Variants in SORCS2 observed in about 807,000 individuals in gnomAD.
SORCS2 encodes the protein sortilin related VPS10 domain containing receptor 2.
A neutral mutation model predicts 141.6 loss-of-function variants in SORCS2; 100 were observed. The ratio of observed to expected loss-of-function variants is 0.71; its 90% confidence interval spans 0.60 to 0.83. The LOEUF (loss-of-function observed/expected upper bound fraction) is 0.83, where lower values mean the gene tolerates loss of function less well. Among genes scored for constraint, SORCS2 ranks in the 40% least tolerant of loss-of-function variants. The pLI is 0.00. For missense variants in SORCS2, 1,646 were observed against 1,560.2 expected (o/e 1.05, Z -0.93); for synonymous variants, 789 against 676.9 (o/e 1.17, Z -2.57).
At chr4:7,700,700 C>A (rs189290806) in intron 12 of SORCS2, among the ~76,000 whole-genome samples, 47 of 152,296 alleles carry the variant, frequency 3.1e-4, no homozygotes, top group African/African-American at 1.1e-3. Flanking sequence ...CCCCTGCCCC[C>A]GCTCCACCCC....
intron 3 of SORCS2, among the ~76,000 whole-genome samples, chr4:7,600,652 T>TACAC (rs1332515993): frequency 2.1e-5 from 2 of 96,232 alleles, no homozygotes; most frequent in African/African-American, 7.7e-5. Context: ...TATACATATA[T>TACAC]ATATACACAC....
At chr4:7,572,298 T>C (rs956986162) in intron 3 of SORCS2, among the ~76,000 whole-genome samples, 5 of 152,208 alleles carry the variant, frequency 3.3e-5, no homozygotes, top group Non-Finnish European at 2.9e-5. Flanking sequence ...TTTACATATA[T>C]ATATATGATA....
chr4:7,601,817 G>C (rs111383778), intron 3 of SORCS2, among the ~76,000 whole-genome samples: 3 of 152,044 alleles, frequency 2.0e-5, no homozygotes, highest in African/African-American at 7.2e-5. Context: ...GGACCCTGCC[G>C]CCTTCCGCAG....
intron 1 of SORCS2, among the ~76,000 whole-genome samples, chr4:7,259,923 TG>T (rs1307377105): frequency 6.6e-6 from 1 of 152,214 alleles, no homozygotes; most frequent in Non-Finnish European, 1.5e-5. Flanking sequence ...CCCAGCCTGT[TG>T]GGCAGGACAG....
At chr4:7,207,370 G>A (rs1048883085) in intron 1 of SORCS2, among the ~76,000 whole-genome samples, 4 of 152,348 alleles carry the variant, frequency 2.6e-5, no homozygotes, top group Middle Eastern at 3.4e-3. Flanking sequence ...GGGAGCCGAC[G>A]TGAGTCACCG....
At chr4:7,567,730 C>G (rs150059747) in intron 3 of SORCS2, among the ~76,000 whole-genome samples, 1,722 of 152,320 alleles carry the variant, frequency 0.011, 12 homozygotes, top group Non-Finnish European at 0.016. Flanking sequence ...GTGAGTCTCC[C>G]TCCCCTTGAG....
intron 1 of SORCS2, among the ~76,000 whole-genome samples, chr4:7,346,449 A>C (rs1306787082): frequency 6.6e-6 from 1 of 152,248 alleles, no homozygotes; most frequent in African/African-American, 2.4e-5. Context: ...CTTGTTTTAC[A>C]GCCTAGCATG....
chr4:7,686,708 G>A (rs991296035), intron 10 of SORCS2, among the ~76,000 whole-genome samples: 1 of 152,238 alleles, frequency 6.6e-6, no homozygotes, highest in African/African-American at 2.4e-5. Context: ...GTGCCCCATG[G>A]GCAGGCACCT....
At chr4:7,625,484 C>T (rs1388421616) in intron 3 of SORCS2, among the ~76,000 whole-genome samples, 2 of 151,864 alleles carry the variant, frequency 1.3e-5, no homozygotes, top group East Asian at 3.9e-4. Flanking sequence ...ACACAGTCAC[C>T]GTCTCTCAAC....
chr4:7,485,882 TA>T (rs1405959907), intron 2 of SORCS2, among the ~76,000 whole-genome samples: 1 of 151,904 alleles, frequency 6.6e-6, no homozygotes, highest in African/African-American at 2.4e-5. Context: ...TCAGGGCGGG[TA>T]GACAGGCTCT....
chr4:7,290,869 C>T (rs900254401), intron 1 of SORCS2, among the ~76,000 whole-genome samples: 2 of 152,100 alleles, frequency 1.3e-5, no homozygotes, highest in Admixed American at 6.5e-5. Flanking sequence ...GCTGAGGAGA[C>T]AGTGAGGAAT....
At chr4:7,625,408 C>CTTG (rs1719452994) in intron 3 of SORCS2, among the ~76,000 whole-genome samples, 1 of 152,038 alleles carries the variant, frequency 6.6e-6, no homozygotes, top group African/African-American at 2.4e-5. Flanking sequence ...AAGAACATCT[C>CTTG]CCACATGTAG....
intron 2 of SORCS2, among the ~76,000 whole-genome samples, chr4:7,466,547 T>C (rs1471995920): frequency 6.6e-6 from 1 of 152,128 alleles, no homozygotes; most frequent in Non-Finnish European, 1.5e-5. Flanking sequence ...TGGCCTCACG[T>C]CCATACCCCA....
intron 11 of SORCS2, 85 bp from the exon 12 acceptor site, chr4:7,697,113 T>C: frequency 8.3e-7 from 1 of 1,207,622 alleles, no homozygotes; most frequent in South Asian, 1.4e-5. Context: ...CCACCGTTGC[T>C]TGAGGTTTTT....
At chr4:7,721,542 C>G in intron 18 of SORCS2, among the ~76,000 whole-genome samples, 1 of 152,298 alleles carries the variant, frequency 6.6e-6, no homozygotes, top group Non-Finnish European at 1.5e-5. Flanking sequence ...AAAAGCCACT[C>G]CCACATGATC....
At position 7,712,781 on chromosome 4, in the gene SORCS2, G is replaced by A. The variant is rs1251459780; in HGVS notation, c.1917G>A (p.Val639=). The A allele has an allele frequency of 1.9e-6, 3 of 1,613,890 alleles. No individual in the cohort carries two copies. In the South Asian group the frequency reaches 3.3e-5, roughly 18 times the overall value. Residue 639 remains valine, a synonymous_variant, in exon 15 of 27, where the codon GTG becomes GTA. Coordinates refer to ENST00000507866, the MANE Select transcript of SORCS2 (RefSeq NM_020777.3). ...GCTCCGATTGGGAGCTGGTCAAGGT[G>A]GACTTCCGGCCCTCATTCTCCAGGC... ...SFRSDWELVK[V]DFRPSFSRQC...
intron 1 of SORCS2, among the ~76,000 whole-genome samples, chr4:7,199,576 G>A (rs981987051): frequency 6.6e-6 from 1 of 152,048 alleles, no homozygotes. Flanking sequence ...GAGGGAGGCT[G>A]TTGCTGTGGT....
chr4:7,680,462 T>C (rs1346604510), intron 9 of SORCS2, among the ~76,000 whole-genome samples: 1 of 152,222 alleles, frequency 6.6e-6, no homozygotes, highest in Non-Finnish European at 1.5e-5. Context: ...AGGGGCCCCA[T>C]CTGTAGTCAC....
chr4:7,668,448 C>T (rs1722621110), intron 8 of SORCS2, among the ~76,000 whole-genome samples: 1 of 152,118 alleles, frequency 6.6e-6, no homozygotes, highest in African/African-American at 2.4e-5. Flanking sequence ...AGAGCAGGCG[C>T]TAAGACCCTG....
Sources: allele counts gnomAD v4.1 joint callset (sites outside exome capture counted in the v4.1 genomes callset), GRCh38; gene constraint gnomAD v4.1.1; transcripts MANE v1.5; gene names NCBI Gene and HGNC (gene_info 2026-07-23, HGNC 2026-07-21).